GSG1L: variants seen among roughly 807,000 people sequenced by gnomAD.
GSG1L encodes the protein GSG1 like.
GSG1L carries 24 observed loss-of-function variants against 42.1 expected under a neutral mutation model. The observed-to-expected ratio is 0.57, with a 90% CI of 0.41 to 0.80. The LOEUF is 0.80. Ranked by LOEUF, GSG1L falls within the 30% of genes least tolerant of loss-of-function variation. The pLI is 0.00. For missense variants in GSG1L, 445 were observed against 472.2 expected (o/e 0.94, Z 0.53); for synonymous variants, 215 against 203.5 (o/e 1.06, Z -0.48).
intron 2 of GSG1L, among the ~76,000 whole-genome samples, chr16:27,915,839 C>T (rs1281367456): frequency 6.6e-6 from 1 of 152,146 alleles, no homozygotes; most frequent in Non-Finnish European, 1.5e-5. Flanking sequence ...GCGGCAGCCA[C>T]AGCAGAGAGG....
At position 27,791,391 on chromosome 16, in the gene GSG1L, C is replaced by T. The variant is rs1335314092; in HGVS notation, c.975G>A (p.Trp325Ter). Residue 325 changes from tryptophan to a stop codon, truncating the protein, a stop_gained, in exon 7 of 7, where the codon TGG (tryptophan) becomes TGA (stop). Coordinates refer to ENST00000447459, the MANE Select transcript of GSG1L (RefSeq NM_001109763.2). LOFTEE classifies it high-confidence loss of function. The stretch of plus-strand genomic sequence containing the variant: ...TTGGTCACACCCAGTGCCCCAAGAC[C>T]CAGCACTGTCGGTTCAGCTCTGGTG... ...QEAPELNRQC[W>*]VLGHWV 5 of 1,505,000 alleles carry T rather than the reference C, an allele frequency of 3.3e-6. No individual in the cohort carries two copies. In the Admixed American group the frequency reaches 8.2e-5, roughly 25 times the overall value. The allele number at this position is 1,505,000 out of a possible 1,614,324, so 93.2% of individuals were successfully genotyped here.
At chr16:27,946,696 T>TAGAAAGGAAGAAAGAAAG (rs1567530233) in intron 2 of GSG1L, among the ~76,000 whole-genome samples, 2 of 112,050 alleles carry the variant, frequency 1.8e-5, no homozygotes, top group African/African-American at 6.0e-5. Context: ...AAGAAAGAAT[T>TAGAAAGGAAGAAAGAAAG]AAATGAAGCA....
At chr16:27,793,588 G>T (rs939452293) in intron 6 of GSG1L, among the ~76,000 whole-genome samples, 2 of 152,262 alleles carry the variant, frequency 1.3e-5, no homozygotes, top group South Asian at 2.1e-4. Context: ...CTTGTACAGT[G>T]GCTGAAAAGC....
intron 4 of GSG1L, among the ~76,000 whole-genome samples, chr16:27,833,350 T>C (rs1306112811): frequency 6.6e-6 from 1 of 152,196 alleles, no homozygotes; most frequent in Non-Finnish European, 1.5e-5. Flanking sequence ...TTCATTGATC[T>C]ATGTGCCTAT....
At chr16:27,906,580 C>T (rs2084323586) in intron 2 of GSG1L, among the ~76,000 whole-genome samples, 1 of 152,128 alleles carries the variant, frequency 6.6e-6, no homozygotes, top group Admixed American at 6.5e-5. Flanking sequence ...ACCTCCTGCT[C>T]CCCCTGAAAT....
At chr16:27,810,568 T>C (rs1410878496) in intron 5 of GSG1L, among the ~76,000 whole-genome samples, 1 of 152,234 alleles carries the variant, frequency 6.6e-6, no homozygotes, top group East Asian at 1.9e-4. Flanking sequence ...TCTGAACTTT[T>C]TCTGCTTATA....
rs1245446380 is a variant in GSG1L, at chr16:27,818,505, G to A, written c.830+10284C>T. On this transcript the variant is annotated intron_variant, in intron 5 of 6. Transcript: ENST00000447459. ...CGATTTCAAAGGACCCCAACACTGG[G>A]TGATGGCGTGCAAAGTGTTACCGAG... is the stretch of plus-strand genomic sequence containing the variant. 2.0e-5 allele frequency among the ~76,000 whole-genome samples: 3 copies of A among 152,088 alleles called. No homozygotes were observed. The East Asian group carries it at 5.8e-4, about 29-fold the overall frequency.
At chr16:27,868,090 G>C (rs1224306548) in intron 3 of GSG1L, among the ~76,000 whole-genome samples, 2 of 151,928 alleles carry the variant, frequency 1.3e-5, no homozygotes, top group Non-Finnish European at 2.9e-5. Flanking sequence ...TTTCTACTTG[G>C]CCCTGTGCCT....
chr16:27,924,292 T>C (rs2084565858), intron 2 of GSG1L, among the ~76,000 whole-genome samples: 1 of 151,118 alleles, frequency 6.6e-6, no homozygotes, highest in Non-Finnish European at 1.5e-5. Context: ...AGAATATGTG[T>C]ACTTCATATA....
chr16:27,985,301 TGCC>T (rs1250494598), intron 1 of GSG1L, among the ~76,000 whole-genome samples: 1 of 152,152 alleles, frequency 6.6e-6, no homozygotes, highest in Non-Finnish European at 1.5e-5. Flanking sequence ...AATGGTTTGC[TGCC>T]GTCCTCATGG....
At chr16:27,990,616 T>A (rs1205025584) in intron 1 of GSG1L, among the ~76,000 whole-genome samples, 1 of 152,180 alleles carries the variant, frequency 6.6e-6, no homozygotes, top group East Asian at 1.9e-4. Flanking sequence ...TTCTAGCAGG[T>A]CCAGGAACCT....
At chr16:27,797,561 G>A (rs1369103637) in intron 6 of GSG1L, among the ~76,000 whole-genome samples, 11 of 147,858 alleles carry the variant, frequency 7.4e-5, no homozygotes, top group East Asian at 4.0e-4. Context: ...GGTGGCTCAC[G>A]CCTGTAATCC....
chr16:28,026,380 C>T (rs755485006), intron 1 of GSG1L, among the ~76,000 whole-genome samples: 1 of 152,206 alleles, frequency 6.6e-6, no homozygotes, highest in African/African-American at 2.4e-5. Flanking sequence ...GATTCTGCTG[C>T]GGATCTGCCA....
intron 1 of GSG1L, among the ~76,000 whole-genome samples, chr16:27,988,822 A>G (rs2085419194): frequency 6.6e-6 from 1 of 151,340 alleles, no homozygotes; most frequent in African/African-American, 2.4e-5. Flanking sequence ...TGGGAGGCCG[A>G]GGTGGGCGGA....
At chr16:27,861,326 G>T (rs59126900) in intron 3 of GSG1L, among the ~76,000 whole-genome samples, 11 of 152,104 alleles carry the variant, frequency 7.2e-5, no homozygotes, top group Admixed American at 2.0e-4. Flanking sequence ...GCAGTGAGCC[G>T]AGATCGCGCC....
chr16:27,938,567 A>G (rs1269974490), intron 2 of GSG1L, among the ~76,000 whole-genome samples: 3 of 152,214 alleles, frequency 2.0e-5, no homozygotes, highest in East Asian at 1.9e-4. Flanking sequence ...CTGTCCAGGC[A>G]GCAGGTCAGA....
intron 1 of GSG1L, among the ~76,000 whole-genome samples, chr16:27,982,849 A>G (rs1297076274): frequency 6.6e-6 from 1 of 152,172 alleles, no homozygotes; most frequent in Non-Finnish European, 1.5e-5. Flanking sequence ...GCACCAAGTC[A>G]TTCATAAGGG....
intron 5 of GSG1L, among the ~76,000 whole-genome samples, chr16:27,812,405 G>T (rs2083041576): frequency 6.6e-6 from 1 of 152,250 alleles, no homozygotes; most frequent in Non-Finnish European, 1.5e-5. Flanking sequence ...GTAAATATGT[G>T]AGGCTTTGCA....
At chr16:27,876,996 T>C (rs951039062) in intron 3 of GSG1L, among the ~76,000 whole-genome samples, 4 of 152,242 alleles carry the variant, frequency 2.6e-5, no homozygotes, top group African/African-American at 9.6e-5. Context: ...TTAGCTGGAC[T>C]GTGCAGGAAT....
Sources: gnomAD v4.1 joint callset for allele counts (sites outside exome capture counted in the v4.1 genomes callset) on GRCh38, gnomAD v4.1.1 for gene constraint, MANE v1.5 for transcripts, NCBI Gene and HGNC (gene_info 2026-07-23, HGNC 2026-07-21) for gene names.